MEGF10: variants seen among roughly 807,000 people sequenced by gnomAD.
MEGF10 encodes the protein multiple epidermal growth factor-like domains protein 10.
In MEGF10, 86 loss-of-function variants were observed where a neutral mutation model predicts 147.5. That is an observed-to-expected ratio of 0.58 (90% CI 0.49 to 0.70). The LOEUF is 0.70. Among genes scored for constraint, MEGF10 ranks in the 30% least tolerant of loss-of-function variants. The pLI is 0.00. For synonymous variants in MEGF10, 478 were observed against 525.5 expected, an observed-to-expected ratio of 0.91 and a Z score of 1.24; for missense variants, 1,329 against 1,487.3, an observed-to-expected ratio of 0.89 and a Z score of 1.75.
chr5:127,380,067 G>GTTTT (rs5871252), intron 5 of MEGF10, among the ~76,000 whole-genome samples: 1 of 147,492 alleles, frequency 6.8e-6, no homozygotes, highest in African/African-American at 2.5e-5. Context: ...TTGTTAACTT[G>GTTTT]TTTTTTTTTT....
chr5:127,318,666 TA>T (rs950154465), intron 1 of MEGF10, among the ~76,000 whole-genome samples: 5 of 151,488 alleles, frequency 3.3e-5, no homozygotes, highest in East Asian at 3.9e-4. Flanking sequence ...GACTTAAACA[TA>T]AAAAAAATAG....
At chr5:127,402,710 C>G (rs200238578) in intron 8 of MEGF10, 28 bp downstream of exon 8, 2 of 1,612,016 alleles carry the variant, frequency 1.2e-6, no homozygotes, top group East Asian at 4.5e-5. Context: ...ATTTCTCTGA[C>G]TGTTTATAAT....
chr5:127,304,663 T>G (rs1053799100), intron 1 of MEGF10, among the ~76,000 whole-genome samples: 7 of 152,110 alleles, frequency 4.6e-5, no homozygotes, highest in Admixed American at 2.6e-4. Flanking sequence ...CCTGCTAATT[T>G]TTGTATTTTT....
chr5:127,272,342 G>A, the MEGF10 span, among the ~76,000 whole-genome samples: 1 of 152,094 alleles, frequency 6.6e-6, no homozygotes, highest in African/African-American at 2.4e-5. Context: ...ACTGTAGCCT[G>A]GTAGTATAGT....
At chr5:127,401,477 G>A (rs949033895) in intron 7 of MEGF10, among the ~76,000 whole-genome samples, 5 of 152,144 alleles carry the variant, frequency 3.3e-5, no homozygotes, top group African/African-American at 1.2e-4. Flanking sequence ...TTTGTGGGTA[G>A]CCAGGAGTTA....
intron 1 of MEGF10, among the ~76,000 whole-genome samples, chr5:127,310,007 T>G (rs1760208556): frequency 7.0e-5 from 5 of 71,830 alleles, no homozygotes; most frequent in African/African-American, 2.6e-4. Flanking sequence ...CCTTCCTTCC[T>G]TCCTTTCTTT....
At chr5:127,307,211 T>C (rs1238942470) in intron 1 of MEGF10, among the ~76,000 whole-genome samples, 1 of 152,144 alleles carries the variant, frequency 6.6e-6, no homozygotes, top group Non-Finnish European at 1.5e-5. Flanking sequence ...CCACACCATA[T>C]GATGTTAGAC....
At chr5:127,370,669 T>C (rs1451174261) in intron 5 of MEGF10, among the ~76,000 whole-genome samples, 1 of 152,238 alleles carries the variant, frequency 6.6e-6, no homozygotes, top group East Asian at 1.9e-4. Context: ...ACATTTCATA[T>C]GCATTATCAC....
In MEGF10 at chr5:127,331,946, G is replaced by A. The variant is rs374572462; in HGVS notation, c.116+522G>A. ...CTTGAAGAACTGAATAAGATGAGTG[G>A]GTTGCAATGATTGGAAGGGGATCTT... On this transcript the variant is annotated intron_variant, in intron 2 of 24. Transcript: ENST00000503335. 6.6e-5 allele frequency among the ~76,000 whole-genome samples: 10 copies of A among 152,116 alleles called. No individual in the cohort carries two copies. In the South Asian group the frequency reaches 1.9e-3, roughly 29 times the overall value.
rs187735189 is a variant in MEGF10, at chr5:127,446,690, G to C, written c.2729-867G>C. 2.8e-3 allele frequency among the ~76,000 whole-genome samples: 427 copies of C among 152,340 alleles called. 4 individuals carry two copies. Among genetic ancestry groups the C allele is most frequent in the African/African-American group, 9.8e-3 (406 of 41,576 alleles). ...GGAAGGCTTGGGTTTTATAGCAAAAGTCCCCACCCAGCTTCCAATCAGGCC... is the reference window on the plus strand; with the variant it reads ...GGAAGGCTTGGGTTTTATAGCAAAACTCCCCACCCAGCTTCCAATCAGGCC... On this transcript the variant is annotated intron_variant, in intron 20 of 24. Coordinates refer to ENST00000503335, the MANE Select transcript of MEGF10 (RefSeq NM_001256545.2).
At chr5:127,430,469 C>A (rs1765356091) in intron 13 of MEGF10, among the ~76,000 whole-genome samples, 1 of 152,138 alleles carries the variant, frequency 6.6e-6, no homozygotes, top group Non-Finnish European at 1.5e-5. Flanking sequence ...CAGTCATATA[C>A]CTGGTGCGAC....
chr5:127,262,753 C>T, the MEGF10 span, among the ~76,000 whole-genome samples: 1 of 152,160 alleles, frequency 6.6e-6, no homozygotes, highest in Non-Finnish European at 1.5e-5. Context: ...AAACTCTGTC[C>T]TATATCTTTC....
At chr5:127,315,485 T>C (rs1390200326) in intron 1 of MEGF10, among the ~76,000 whole-genome samples, 1 of 152,088 alleles carries the variant, frequency 6.6e-6, no homozygotes, top group African/African-American at 2.4e-5. Context: ...CTTAAAAATA[T>C]ATGAATCTTG....
intron 9 of MEGF10, among the ~76,000 whole-genome samples, chr5:127,412,560 G>A (rs1443407259): frequency 1.3e-5 from 2 of 152,106 alleles, no homozygotes; most frequent in Non-Finnish European, 2.9e-5. Context: ...CAAATACAGT[G>A]TAAATTAATA....
At chr5:127,405,796 A>G (rs1764299418) in intron 8 of MEGF10, among the ~76,000 whole-genome samples, 2 of 152,012 alleles carry the variant, frequency 1.3e-5, no homozygotes, top group African/African-American at 2.4e-5. Context: ...TTAATTAAAA[A>G]TTTTGTTAAT....
chr5:127,411,905 T>TGTTCC (rs1764579136), intron 9 of MEGF10, among the ~76,000 whole-genome samples: 1 of 152,258 alleles, frequency 6.6e-6, no homozygotes, highest in Admixed American at 6.5e-5. Context: ...ACCAGTGTGC[T>TGTTCC]GTTCCGTTGT....
chr5:127,283,656 T>C, the MEGF10 span, among the ~76,000 whole-genome samples: 4 of 152,236 alleles, frequency 2.6e-5, no homozygotes, highest in Admixed American at 2.0e-4. Flanking sequence ...CGTAGGAGTT[T>C]GTTAAAATGC....
At chr5:127,404,956 T>A (rs917375038) in intron 8 of MEGF10, among the ~76,000 whole-genome samples, 2 of 152,174 alleles carry the variant, frequency 1.3e-5, no homozygotes, top group Non-Finnish European at 2.9e-5. Flanking sequence ...GCTCAGGCAA[T>A]CTGCCTGCCT....
chr5:127,379,179 A>C (rs892778074), intron 5 of MEGF10, among the ~76,000 whole-genome samples: 16 of 149,102 alleles, frequency 1.1e-4, no homozygotes, highest in African/African-American at 4.0e-4. Context: ...TACTGCTGCC[A>C]CTCCAGTCCA....
Sources: gnomAD v4.1 joint callset for allele counts (sites outside exome capture counted in the v4.1 genomes callset) on GRCh38, gnomAD v4.1.1 for gene constraint, MANE v1.5 for transcripts, NCBI Gene and HGNC (gene_info 2026-07-23, HGNC 2026-07-21) for gene names.